RAD18: variants seen among roughly 807,000 people sequenced by gnomAD.
RAD18 encodes E3 ubiquitin-protein ligase RAD18.
In RAD18, 47 loss-of-function variants were observed where a neutral mutation model predicts 60.4. The ratio of observed to expected loss-of-function variants is 0.78; its 90% confidence interval spans 0.62 to 0.99. RAD18 has a LOEUF of 0.99. Among genes scored for constraint, RAD18 ranks in the 50% least tolerant of loss-of-function variants. RAD18 has a pLI of 0.00. For missense variants in RAD18, 640 were observed against 593.3 expected, an observed-to-expected ratio of 1.08 and a Z score of -0.82; for synonymous variants, 225 against 195.5, an observed-to-expected ratio of 1.15 and a Z score of -1.26.
chr3:8,887,389 G>A (rs963711287), intron 12 of RAD18, among the ~76,000 whole-genome samples: 5 of 152,182 alleles, frequency 3.3e-5, no homozygotes, highest in African/African-American at 1.2e-4. Flanking sequence ...AGGGGACACT[G>A]GAGGAGACGC....
At chr3:8,954,943 T>C (rs1940983804) in intron 2 of RAD18, among the ~76,000 whole-genome samples, 1 of 151,790 alleles carries the variant, frequency 6.6e-6, no homozygotes, top group South Asian at 2.1e-4. Context: ...ACTTCACAAG[T>C]GAAAAAAAAG....
At chr3:8,910,329 A>G (rs1056008177) in intron 9 of RAD18, among the ~76,000 whole-genome samples, 5 of 152,238 alleles carry the variant, frequency 3.3e-5, no homozygotes, top group South Asian at 2.1e-4. Context: ...GGCCAGGTGC[A>G]GTGGCTCACG....
At position 8,898,930 on chromosome 3, in the gene RAD18, T is replaced by A; in HGVS notation, c.1286A>T (p.Glu429Val). 6.2e-7 allele frequency: 1 copy of A among 1,602,884 alleles called. No homozygotes were observed. The highest frequency in any genetic ancestry group is 1.7e-4 in the Middle Eastern group (1 of 6,024). ...ATCTGATTCTGATGAAGAAAGAACT[T>A]CTTGAATATCAATACAGCTAGAAGA... ...EDSSSCIDIQ[E>V]VLSSSESDSC... The change falls in exon 11 of 13, where the codon GAA becomes GTA. Residue 429 changes from glutamate (E) to valine (V), a missense_variant. Glu to Val is a moderately radical substitution (Grantham distance 121). Transcript: ENST00000264926.
At chr3:8,941,076 C>A (rs1450431338) in intron 5 of RAD18, among the ~76,000 whole-genome samples, 1 of 152,086 alleles carries the variant, frequency 6.6e-6, no homozygotes, top group African/African-American at 2.4e-5. Flanking sequence ...GGTTAGGCCT[C>A]AAATTGTCAC....
At chr3:8,939,699 G>T in intron 5 of RAD18, 46 bp from the exon 6 acceptor site, 2 of 1,498,654 alleles carry the variant, frequency 1.3e-6, no homozygotes, top group South Asian at 1.2e-5. Flanking sequence ...AATTGTAGAA[G>T]GGGCAAAAGT....
chr3:8,895,772 T>G (rs959288800), intron 11 of RAD18, among the ~76,000 whole-genome samples: 1 of 152,238 alleles, frequency 6.6e-6, no homozygotes, highest in Non-Finnish European at 1.5e-5. Flanking sequence ...ATCTCCAACA[T>G]GCAATCACTT....
chr3:8,936,045 T>C lies in RAD18; in HGVS notation c.715A>G (p.Lys239Glu), dbSNP rs752364377. Residue 239 changes from lysine to glutamate, a missense_variant, in exon 7 of 13, where the codon AAA becomes GAA. Transcript: ENST00000264926. ...ACAGTTTTGGGCAGCGGCTTCCTTT[T>C]GTGAACAGAACTGAAAAGGGGGGAA... ...KKESLRSSVH[K>E]RKPLPKTVYN... The C allele has an allele frequency of 6.3e-7, 1 of 1,583,798 alleles. No homozygotes were observed. Among genetic ancestry groups the C allele is most frequent in the Non-Finnish European group, 8.6e-7 (1 of 1,166,588 alleles).
chr3:8,885,740 C>T (rs998613531), intron 12 of RAD18, among the ~76,000 whole-genome samples: 1 of 152,212 alleles, frequency 6.6e-6, no homozygotes, highest in African/African-American at 2.4e-5. Flanking sequence ...TATGATTATT[C>T]ATAAAGGGGG....
intron 7 of RAD18, among the ~76,000 whole-genome samples, chr3:8,923,595 T>G (rs1480002630): frequency 6.6e-6 from 1 of 151,766 alleles, no homozygotes; most frequent in Non-Finnish European, 1.5e-5. Flanking sequence ...GAAGAGCAAC[T>G]CCAAGACACA....
rs553860722 is a variant in RAD18, at chr3:8,948,370, T to A, written c.195+139A>T. ...GCTCTTCTTACATGTACTTTAGAGG[T>A]CCTTTCTGAAAATGTCTTTCATATA... On this transcript the variant is annotated intron_variant, in intron 3 of 12. Transcript: ENST00000264926. 6.0e-5 allele frequency: 40 copies of A among 665,344 alleles called. No homozygotes were observed. The Admixed American group carries it at 8.9e-4, about 15-fold the overall frequency. 41.2% of individuals were successfully genotyped at this position (665,344 alleles called of 1,614,324 possible). A position where few individuals can be genotyped will look rare whatever the true frequency, so the allele number is the denominator to read the frequency against.
At chr3:8,927,224 A>G (rs112967917) in intron 7 of RAD18, among the ~76,000 whole-genome samples, 1 of 152,202 alleles carries the variant, frequency 6.6e-6, no homozygotes, top group Non-Finnish European at 1.5e-5. Context: ...AAAAACACAA[A>G]CAAACCCATC....
chr3:8,928,049 T>TAAAAAAAAAAAA (rs58756851), intron 7 of RAD18, among the ~76,000 whole-genome samples: 1 of 121,734 alleles, frequency 8.2e-6, no homozygotes, highest in Non-Finnish European at 1.8e-5. Flanking sequence ...CCCTAAAACT[T>TAAAAAAAAAAAA]AAAAAAAAAA....
intron 9 of RAD18, 52 bp from the exon 10 acceptor site, chr3:8,902,572 T>A (rs761435976): frequency 5.0e-5 from 75 of 1,505,848 alleles, no homozygotes; most frequent in Non-Finnish European, 6.5e-5. Flanking sequence ...AAGTTAACCA[T>A]CTACAACTGA....
At chr3:8,950,233 G>A (rs958602877) in intron 2 of RAD18, among the ~76,000 whole-genome samples, 31 of 151,920 alleles carry the variant, frequency 2.0e-4, no homozygotes, top group African/African-American at 7.0e-4. Context: ...ATGGGGTTTC[G>A]CCATATTGGC....
At chr3:8,940,774 T>C (rs1940733876) in intron 5 of RAD18, among the ~76,000 whole-genome samples, 1 of 152,218 alleles carries the variant, frequency 6.6e-6, no homozygotes, top group Admixed American at 6.5e-5. Flanking sequence ...GGATAGAGTC[T>C]GGAAAGGTAT....
chr3:8,949,398 A>G (rs1940892726), intron 2 of RAD18, among the ~76,000 whole-genome samples: 1 of 152,206 alleles, frequency 6.6e-6, no homozygotes, highest in Admixed American at 6.5e-5. Flanking sequence ...ATGGATATCC[A>G]GGAAATAAGC....
chr3:8,955,859 GCCC>G (rs925323024), intron 2 of RAD18, among the ~76,000 whole-genome samples: 1 of 151,890 alleles, frequency 6.6e-6, no homozygotes, highest in Admixed American at 6.5e-5. Flanking sequence ...ATATGGTAGT[GCCC>G]CCTTATACAC....
rs747158882 is a variant in RAD18, at chr3:8,892,457, CT to C, written c.1323-2007del. 7.9e-5 allele frequency among the ~76,000 whole-genome samples: 12 copies of C among 152,158 alleles called. No individual in the cohort carries two copies. In the East Asian group the frequency reaches 2.3e-3, roughly 29 times the overall value. ...TCTTGAATTCGATGGAATTCCCAAC[CT>C]TGGTCCAGGAAGATATTAATAGGCT... On this transcript the variant is annotated intron_variant, in intron 11 of 12. Coordinates refer to ENST00000264926, the MANE Select transcript of RAD18 (RefSeq NM_020165.4).
At chr3:8,939,841 G>A (rs1406765757) in intron 5 of RAD18, among the ~76,000 whole-genome samples, 188 bp from the exon 6 acceptor site, 2 of 152,190 alleles carry the variant, frequency 1.3e-5, no homozygotes, top group African/African-American at 4.8e-5. Flanking sequence ...ACTGGGTAAT[G>A]GCTAAATTGT....
Sources: allele counts gnomAD v4.1 joint callset (sites outside exome capture counted in the v4.1 genomes callset), GRCh38; gene constraint gnomAD v4.1.1; transcripts MANE v1.5; gene names NCBI Gene and HGNC (gene_info 2026-07-23, HGNC 2026-07-21).